NRXN1: variants seen among roughly 807,000 people sequenced by gnomAD.
NRXN1 encodes neurexin-1.
Under a neutral mutation model 150.9 loss-of-function variants are expected in NRXN1, and 39 were observed. The observed-to-expected ratio is 0.26, with a 90% CI of 0.20 to 0.34. NRXN1 has a LOEUF of 0.34. Ranked by LOEUF, NRXN1 falls within the 10% of genes least tolerant of loss-of-function variation. The pLI is 1.00. For missense variants in NRXN1, 1,815 were observed against 1,949.9 expected (o/e 0.93, Z 1.30); for synonymous variants, 924 against 757.0 (o/e 1.22, Z -3.62).
chr2:50,380,797 T>C (rs138063250), intron 17 of NRXN1, among the ~76,000 whole-genome samples: 280 of 152,288 alleles, frequency 1.8e-3, no homozygotes, highest in African/African-American at 6.7e-3. Flanking sequence ...ATCTCAATTC[T>C]AAGAAAGGCT....
At chr2:50,634,477 C>T (rs535265328) in intron 5 of NRXN1, among the ~76,000 whole-genome samples, 1 of 152,148 alleles carries the variant, frequency 6.6e-6, no homozygotes, top group African/African-American at 2.4e-5. Flanking sequence ...GCATAATAAG[C>T]TTTTTAAAGA....
At chr2:50,922,317 C>A (rs1451743448) in intron 4 of NRXN1, among the ~76,000 whole-genome samples, 36 of 151,818 alleles carry the variant, frequency 2.4e-4, no homozygotes, top group Admixed American at 2.4e-3. Context: ...TTTCAGACAG[C>A]AACTTCTGAT....
chr2:50,730,706 T>TCTGTCGCA (rs1697992524), intron 5 of NRXN1, among the ~76,000 whole-genome samples: 1 of 141,026 alleles, frequency 7.1e-6, no homozygotes. Flanking sequence ...GGAGTCTTGC[T>TCTGTCGCA]CTGTCGCACA....
chr2:50,207,151 C>T (rs914130735), intron 18 of NRXN1, among the ~76,000 whole-genome samples: 15 of 152,058 alleles, frequency 9.9e-5, no homozygotes, highest in African/African-American at 3.6e-4. Context: ...ATACGATGTG[C>T]TAGATTTCAG....
At chr2:50,556,246 G>T (rs867754151) in intron 8 of NRXN1, among the ~76,000 whole-genome samples, 1 of 152,080 alleles carries the variant, frequency 6.6e-6, no homozygotes, top group Non-Finnish European at 1.5e-5. Context: ...TTAGAATAAT[G>T]AGTAGCTAGT....
chr2:50,644,615 C>T (rs1263439368), intron 5 of NRXN1, among the ~76,000 whole-genome samples: 1 of 151,192 alleles, frequency 6.6e-6, no homozygotes, highest in Non-Finnish European at 1.5e-5. Context: ...TTTTTTTCCC[C>T]CAGGTTTGAT....
chr2:50,931,721 A>T (rs1013829702), intron 2 of NRXN1, among the ~76,000 whole-genome samples: 1 of 152,096 alleles, frequency 6.6e-6, no homozygotes, highest in African/African-American at 2.4e-5. Flanking sequence ...CTGTATTTAC[A>T]TGTGTCAGTT....
intron 13 of NRXN1, 129 bp from the exon 14 acceptor site, chr2:50,497,843 G>A: frequency 2.7e-6 from 2 of 743,806 alleles, no homozygotes; most frequent in Non-Finnish European, 4.3e-6. Context: ...GTTGCATATA[G>A]GAAGAACACT....
intron 8 of NRXN1, among the ~76,000 whole-genome samples, chr2:50,557,595 T>C (rs1387403579): frequency 6.6e-6 from 1 of 152,176 alleles, no homozygotes; most frequent in African/African-American, 2.4e-5. Flanking sequence ...GTTTTATTCG[T>C]AAAGGACAAT....
chr2:50,422,857 G>A (rs954648753), intron 17 of NRXN1, among the ~76,000 whole-genome samples: 10 of 152,124 alleles, frequency 6.6e-5, no homozygotes, highest in African/African-American at 2.4e-4. Context: ...TCAAACACAT[G>A]CAAAATTTTC....
At chr2:50,119,244 A>G (rs1703506689) in intron 18 of NRXN1, among the ~76,000 whole-genome samples, 1 of 152,206 alleles carries the variant, frequency 6.6e-6, no homozygotes, top group Non-Finnish European at 1.5e-5. Context: ...GGCTAGGTAT[A>G]TTGAAAATCT....
intron 15 of NRXN1, among the ~76,000 whole-genome samples, chr2:50,492,700 A>T (rs2091325688): frequency 6.6e-6 from 1 of 152,190 alleles, no homozygotes; most frequent in Admixed American, 6.5e-5. Flanking sequence ...AAACATAAGG[A>T]GGATAAAAAA....
intron 17 of NRXN1, among the ~76,000 whole-genome samples, chr2:50,449,419 A>T (rs920658159): frequency 6.6e-5 from 10 of 152,174 alleles, no homozygotes; most frequent in African/African-American, 2.4e-4. Context: ...AAGTCGACTT[A>T]GTCACTCCTT....
chr2:50,620,991 A>C, intron 7 of NRXN1: 1 of 451,092 alleles, frequency 2.2e-6, no homozygotes, highest in Non-Finnish European at 4.0e-6. Flanking sequence ...AACGTTCGAA[A>C]CGTTAACGAT....
intron 5 of NRXN1, among the ~76,000 whole-genome samples, chr2:50,849,447 A>C (rs1168659894): frequency 6.6e-6 from 1 of 152,202 alleles, no homozygotes; most frequent in Non-Finnish European, 1.5e-5. Flanking sequence ...ACTATCTCCC[A>C]GTCTTAGGGT....
At chr2:50,397,786 T>C (rs952143004) in intron 17 of NRXN1, among the ~76,000 whole-genome samples, 2 of 152,152 alleles carry the variant, frequency 1.3e-5, no homozygotes, top group African/African-American at 4.8e-5. Flanking sequence ...AAAAGCTTCA[T>C]TACTTGTTTT....
At chr2:50,816,463 G>T (rs1668954579) in intron 5 of NRXN1, among the ~76,000 whole-genome samples, 1 of 152,100 alleles carries the variant, frequency 6.6e-6, no homozygotes. Context: ...AAGCTATCTT[G>T]TGTGCTTGTC....
intron 17 of NRXN1, among the ~76,000 whole-genome samples, chr2:50,364,588 T>A (rs2079454044): frequency 6.6e-6 from 1 of 152,176 alleles, no homozygotes; most frequent in Non-Finnish European, 1.5e-5. Context: ...ATAATCACAG[T>A]TGTCCAATTG....
At chr2:50,365,779 G>A (rs2079540170) in intron 17 of NRXN1, among the ~76,000 whole-genome samples, 1 of 151,966 alleles carries the variant, frequency 6.6e-6, no homozygotes, top group African/African-American at 2.4e-5. Flanking sequence ...TATATAGACA[G>A]TAAGAACAAA....
Sources: allele counts gnomAD v4.1 joint callset (sites outside exome capture counted in the v4.1 genomes callset), GRCh38; gene constraint gnomAD v4.1.1; transcripts MANE v1.5; gene names NCBI Gene and HGNC (gene_info 2026-07-23, HGNC 2026-07-21).